The following TRPM5 variants were observed in gnomAD, a reference collection of about 807,000 sequenced individuals.
The protein encoded by TRPM5 is MLSN1 and TRP-related.
A neutral mutation model predicts 124.9 loss-of-function variants in TRPM5; 121 were observed. That is an observed-to-expected ratio of 0.97 (90% CI 0.84 to 1.13). The LOEUF (loss-of-function observed/expected upper bound fraction) is 1.13. TRPM5 is among the 50% of genes most tolerant of loss of function. The pLI is 0.00. For missense variants in TRPM5, 1,643 were observed against 1,589.1 expected (o/e 1.03, Z -0.58); for synonymous variants, 781 against 700.5 (o/e 1.11, Z -1.81).
chr11:2,409,100 C>T (rs1850388464), intron 18 of TRPM5, among the ~76,000 whole-genome samples: 1 of 149,128 alleles, frequency 6.7e-6, no homozygotes, highest in Non-Finnish European at 1.5e-5. Flanking sequence ...TGAATTCCTG[C>T]CTTGTTTCTC....
chr11:2,421,879 A>C (rs935583234), intron 2 of TRPM5, among the ~76,000 whole-genome samples: 7 of 152,184 alleles, frequency 4.6e-5, no homozygotes, highest in African/African-American at 1.7e-4. Context: ...GTCCTGGTCC[A>C]GTACGTAGGC....
chr11:2,407,695 T>C, intron 19 of TRPM5, 64 bp downstream of exon 24: 1 of 1,580,436 alleles, frequency 6.3e-7, no homozygotes, highest in Non-Finnish European at 8.6e-7. Context: ...GAGGCGGTGT[T>C]GGGGAATGAC....
the TRPM5 span, among the ~76,000 whole-genome samples, chr11:2,430,749 G>T: frequency 2.3e-5 from 3 of 132,836 alleles, no homozygotes; most frequent in South Asian, 2.2e-4. Context: ...GATGGTGTTG[G>T]TGGTGGTGGT....
the TRPM5 span, among the ~76,000 whole-genome samples, chr11:2,443,828 C>T: frequency 1.3e-5 from 2 of 149,216 alleles, 1 homozygote. This position sits in a 1 kb window ranked among gnomAD's most constrained non-coding sequence, Gnocchi z 5.0. Flanking sequence ...CCCCCACCCC[C>T]CCCCCAAGCC....
At chr11:2,417,618 G>T in intron 7 of TRPM5, 109 bp downstream of exon 12, 1 of 786,736 alleles carries the variant, frequency 1.3e-6, no homozygotes, top group Admixed American at 2.3e-5. Context: ...CCTGGGAAGG[G>T]GCAGGCGGCC....
chr11:2,409,884 G>A (rs1023180956), intron 18 of TRPM5, among the ~76,000 whole-genome samples: 1 of 152,206 alleles, frequency 6.6e-6, no homozygotes, highest in African/African-American at 2.4e-5. Context: ...CCCCTCGGGA[G>A]TCTGTTTCCC....
chr11:2,415,906 C>T, exon 8 of TRPM5: 1 of 1,570,780 alleles, frequency 6.4e-7, no homozygotes, highest in Non-Finnish European at 8.6e-7. Context: ...TGGGAGGCAC[C>T]TTCCACTCCA....
intron 15 of TRPM5, 33 bp from the exon 21 acceptor site, chr11:2,412,286 G>A (rs762574231): frequency 4.5e-6 from 7 of 1,549,226 alleles, no homozygotes; most frequent in South Asian, 2.2e-5. Flanking sequence ...ACTGACAGCT[G>A]TCCAGCCGCC....
chr11:2,417,470 AAAAC>A (rs1164874115), intron 7 of TRPM5, among the ~76,000 whole-genome samples: 4 of 152,208 alleles, frequency 2.6e-5, no homozygotes, highest in African/African-American at 7.2e-5. Flanking sequence ...ACCGAAAACC[AAAAC>A]AAACAAAAAA....
intron 12 of TRPM5, 52 bp downstream of exon 17, chr11:2,414,009 G>GGGGCCCCCCCCCCCCCCCCCCCC: frequency 9.8e-6 from 10 of 1,023,694 alleles, no homozygotes; most frequent in Non-Finnish European, 1.3e-5. Context: ...GGCCCAGCTC[G>GGGGCCCCCCCCCCCCCCCCCCCC]CCCGCCCACC....
chr11:2,430,734 A>ATGGTGTTGGTGGTGGTGGTTTTGGTGG, the TRPM5 span, among the ~76,000 whole-genome samples: 4 of 77,152 alleles, frequency 5.2e-5, no homozygotes, highest in South Asian at 1.8e-3. Flanking sequence ...GGTGGCGGTG[A>ATGGTGTTGGTGGTGGTGGTTTTGGTGG]TGGTGATGGT....
In TRPM5 at chr11:2,413,935, G is replaced by T. The variant is rs935929094; in HGVS notation, c.1890+126C>A. 4 of 1,325,750 alleles carry T rather than the reference G, an allele frequency of 3.0e-6. 1 individual carries two copies. The highest frequency in any genetic ancestry group is 2.1e-5 in the Admixed American group (1 of 48,500). 82.1% of individuals were successfully genotyped at this position (1,325,750 alleles called of 1,614,324 possible). A position where few individuals can be genotyped will look rare whatever the true frequency, so the allele number is the denominator to read the frequency against. On this transcript the variant is annotated intron_variant, in intron 12 of 23. Transcript: ENST00000155858. Reference sequence around the variant, plus strand: ...CTTCCAGGAACAGAAGCCCCACCCCGCCCCCTCTGTGCTGAGGACGGGAGT... The same window carrying T: ...CTTCCAGGAACAGAAGCCCCACCCCTCCCCCTCTGTGCTGAGGACGGGAGT...
exon 18 of TRPM5, chr11:2,411,414 C>A: frequency 6.2e-7 from 1 of 1,612,098 alleles, no homozygotes; most frequent in South Asian, 1.1e-5. Context: ...GAGCACCCGG[C>A]GGAAGATCCA....
rs1010551783 is a variant in TRPM5 at position 2,405,466 on chromosome 11, C to T, written c.3391+61G>A. ...GCACACAGCACAGCCTACGGCCCCCCAGCCGCTGCAGAGTGGGTGCCCATG... is the reference window on the plus strand; with the variant it reads ...GCACACAGCACAGCCTACGGCCCCCTAGCCGCTGCAGAGTGGGTGCCCATG... On this transcript the variant is annotated intron_variant, in intron 23 of 23. Transcript: ENST00000155858. The T allele has an allele frequency of 2.8e-5, 42 of 1,506,268 alleles. 1 individual carries two copies. Among genetic ancestry groups the T allele is most frequent in the South Asian group, 2.8e-4 (23 of 82,932 alleles). The allele number at this position is 1,506,268 out of a possible 1,614,324, so 93.3% of individuals were successfully genotyped here.
At chr11:2,425,172 C>T (rs1307114382), upstream of TRPM5, among the ~76,000 whole-genome samples, 5 of 151,840 alleles carry the variant, frequency 3.3e-5, no homozygotes, top group African/African-American at 4.8e-5. Context: ...TGTTGTGTCC[C>T]GGGGCTGCCA....
chr11:2,430,625 G>GTT, the TRPM5 span, among the ~76,000 whole-genome samples: 1 of 151,930 alleles, frequency 6.6e-6, no homozygotes, highest in African/African-American at 2.4e-5. Flanking sequence ...TGATGTTGGT[G>GTT]GCAGTGATGA....
At chr11:2,431,084 G>C in the TRPM5 span, among the ~76,000 whole-genome samples, 1 of 152,098 alleles carries the variant, frequency 6.6e-6, no homozygotes, top group Non-Finnish European at 1.5e-5. Context: ...AGGCACCTAT[G>C]GGCTGCTCTG....
At chr11:2,419,247 A>G (rs980676832) in intron 4 of TRPM5, among the ~76,000 whole-genome samples, 2 of 152,166 alleles carry the variant, frequency 1.3e-5, no homozygotes, top group Non-Finnish European at 2.9e-5. Context: ...GGGCTTCCGC[A>G]GAGCAGAGCC....
chr11:2,436,929 C>G, the TRPM5 span, among the ~76,000 whole-genome samples: 1 of 152,166 alleles, frequency 6.6e-6, no homozygotes, highest in Non-Finnish European at 1.5e-5. Flanking sequence ...GGCACTGGGC[C>G]GAGACCCTGG....
Sources: gnomAD v4.1 joint callset for allele counts (sites outside exome capture counted in the v4.1 genomes callset) on GRCh38, gnomAD v4.1.1 for gene constraint, Gnocchi (gnomAD v3.1) non-coding constraint, MANE v1.5 for transcripts, NCBI Gene and HGNC (gene_info 2026-07-23, HGNC 2026-07-21) for gene names.